MECOM: variants seen among roughly 807,000 people sequenced by gnomAD.
MECOM encodes the protein histone-lysine N-methyltransferase MECOM.
MECOM carries 13 observed loss-of-function variants against 116.3 expected under a neutral mutation model. That is an observed-to-expected ratio of 0.11 (90% confidence interval 0.07 to 0.18). The LOEUF (loss-of-function observed/expected upper bound fraction) is 0.18. Ranked by LOEUF, MECOM falls within the 10% of genes least tolerant of loss-of-function variation. MECOM has a pLI of 1.00. For synonymous variants in MECOM, 528 were observed against 535.2 expected (o/e 0.99, Z 0.19); for missense variants, 1,299 against 1,509.0 (o/e 0.86, Z 2.31).
chr3:169,355,171 G>C (rs1423957982), intron 2 of MECOM, among the ~76,000 whole-genome samples: 1 of 151,972 alleles, frequency 6.6e-6, no homozygotes, highest in Non-Finnish European at 1.5e-5. Context: ...GCGATTAGCA[G>C]CGAAACATAT....
intron 1 of MECOM, among the ~76,000 whole-genome samples, chr3:169,542,319 C>T: frequency 7.0e-6 from 1 of 143,436 alleles, no homozygotes; most frequent in Admixed American, 7.3e-5. Context: ...TTTGTTTTGT[C>T]TTCTAGAAAA....
intron 1 of MECOM, among the ~76,000 whole-genome samples, chr3:169,606,748 T>C (rs1266021503): frequency 2.0e-5 from 3 of 152,226 alleles, no homozygotes; most frequent in African/African-American, 7.2e-5. Flanking sequence ...CTCCTCCATA[T>C]GGTCAGAGCT....
chr3:169,209,236 CA>C, intron 2 of MECOM, among the ~76,000 whole-genome samples: 1 of 152,004 alleles, frequency 6.6e-6, no homozygotes, highest in East Asian at 1.9e-4. Context: ...ATGTAAAACC[CA>C]AAACCATAAA....
At chr3:169,348,856 A>T (rs1004550787) in intron 2 of MECOM, among the ~76,000 whole-genome samples, 2 of 151,982 alleles carry the variant, frequency 1.3e-5, no homozygotes, top group Non-Finnish European at 2.9e-5. Flanking sequence ...AGCATGATAC[A>T]TTACTATTTC....
intron 1 of MECOM, among the ~76,000 whole-genome samples, chr3:169,478,329 T>C (rs958392615): frequency 1.3e-5 from 2 of 152,178 alleles, no homozygotes; most frequent in Non-Finnish European, 2.9e-5. Context: ...CGGTATGGTT[T>C]TTGTCATGTG....
intron 2 of MECOM, among the ~76,000 whole-genome samples, chr3:169,225,309 T>A (rs944936775): frequency 6.6e-6 from 1 of 152,168 alleles, no homozygotes; most frequent in Non-Finnish European, 1.5e-5. Flanking sequence ...GTTAGTTAAG[T>A]AGAGATTCTG....
chr3:169,375,812 C>T (rs1420533732), intron 2 of MECOM, among the ~76,000 whole-genome samples: 1 of 152,122 alleles, frequency 6.6e-6, no homozygotes, highest in Admixed American at 6.6e-5. Context: ...AGTGGAACTC[C>T]TCCCTAACTC....
At chr3:169,210,985 A>G (rs931986779) in intron 2 of MECOM, among the ~76,000 whole-genome samples, 4 of 152,176 alleles carry the variant, frequency 2.6e-5, no homozygotes, top group Admixed American at 2.0e-4. Context: ...ATTCTAGTAC[A>G]TGAAAATATC....
At chr3:169,378,579 AAAGAAAGT>A (rs759878945) in intron 2 of MECOM, among the ~76,000 whole-genome samples, 5,831 of 85,494 alleles carry the variant, frequency 0.068, 412 homozygotes, top group Non-Finnish European at 0.085. Context: ...AGAAAGAAAG[AAAGAAAGT>A]AAGTAAGTAA....
chr3:169,614,089 CTCT>C (rs1304361654), intron 1 of MECOM, among the ~76,000 whole-genome samples: 1 of 145,924 alleles, frequency 6.9e-6, no homozygotes, highest in African/African-American at 2.5e-5. Flanking sequence ...CTCCTCTCCT[CTCT>C]TTTCTTTTCT....
At chr3:169,280,857 G>A (rs563094520) in intron 2 of MECOM, among the ~76,000 whole-genome samples, 1 of 152,296 alleles carries the variant, frequency 6.6e-6, no homozygotes, top group South Asian at 2.1e-4. Flanking sequence ...GCCCAGCAGA[G>A]AGACACAGAT....
At chr3:169,216,596 C>T (rs1751451629) in intron 2 of MECOM, among the ~76,000 whole-genome samples, 2 of 146,060 alleles carry the variant, frequency 1.4e-5, no homozygotes, top group African/African-American at 5.0e-5. Flanking sequence ...AAAAAAAGTA[C>T]ACTATAGGTT....
At chr3:169,337,591 A>T (rs1723786541) in intron 2 of MECOM, among the ~76,000 whole-genome samples, 1 of 152,176 alleles carries the variant, frequency 6.6e-6, no homozygotes, top group Admixed American at 6.5e-5. Flanking sequence ...TTACCTGTGT[A>T]TGCCTTGCCT....
chr3:169,603,650 T>G (rs527535810), intron 1 of MECOM, among the ~76,000 whole-genome samples: 23 of 152,210 alleles, frequency 1.5e-4, no homozygotes, highest in Non-Finnish European at 3.2e-4. Context: ...CTATACATTT[T>G]CTATGTTATG....
At chr3:169,372,955 A>G (rs974162489) in intron 2 of MECOM, among the ~76,000 whole-genome samples, 2 of 151,980 alleles carry the variant, frequency 1.3e-5, no homozygotes, top group African/African-American at 4.8e-5. Context: ...TGCAGTTACA[A>G]TGTTACTACA....
chr3:169,483,890 A>G (rs1578230377), intron 1 of MECOM: 1 of 1,610,260 alleles, frequency 6.2e-7, no homozygotes, highest in Non-Finnish European at 8.5e-7. Flanking sequence ...CCCCTCCACC[A>G]AGGTTCCCAG....
chr3:169,115,299 TG>T, intron 8 of MECOM, 83 bp downstream of exon 8: 1 of 1,339,374 alleles, frequency 7.5e-7, no homozygotes. Flanking sequence ...GTAAAAATGA[TG>T]TGTTAAAAAG....
chr3:169,346,953 G>A (rs1419979804), intron 2 of MECOM, among the ~76,000 whole-genome samples: 1 of 151,996 alleles, frequency 6.6e-6, no homozygotes, highest in East Asian at 1.9e-4. Flanking sequence ...AAAAATAAAA[G>A]CAACCCAAAT....
chr3:169,218,811 T>C (rs1751741498), intron 2 of MECOM, among the ~76,000 whole-genome samples: 1 of 152,180 alleles, frequency 6.6e-6, no homozygotes, highest in South Asian at 2.1e-4. Context: ...TTACTTACTC[T>C]TACAGTTTTA....
Sources: allele counts gnomAD v4.1 joint callset (sites outside exome capture counted in the v4.1 genomes callset), GRCh38; gene constraint gnomAD v4.1.1; transcripts MANE v1.5; gene names NCBI Gene and HGNC (gene_info 2026-07-23, HGNC 2026-07-21).